CENPP: variants seen among roughly 807,000 people sequenced by gnomAD.
CENPP encodes centromere protein P.
CENPP carries 24 observed loss-of-function variants against 35.6 expected under a neutral mutation model. That is an observed-to-expected ratio of 0.67 (90% CI 0.49 to 0.95). CENPP has a LOEUF of 0.95. CENPP is among the 40% of genes least tolerant of loss of function. The pLI is 0.00. For synonymous variants in CENPP, 120 were observed against 125.5 expected (o/e 0.96, Z 0.29); for missense variants, 332 against 345.3 (o/e 0.96, Z 0.31).
intron 5 of CENPP, among the ~76,000 whole-genome samples, chr9:92,470,189 T>C (rs1845459831): frequency 1.3e-5 from 2 of 152,204 alleles, no homozygotes; most frequent in Admixed American, 1.3e-4. Flanking sequence ...ATGATACTAA[T>C]ACAGTAAAGA....
chr9:92,439,905 T>G (rs1588130765), intron 5 of CENPP, among the ~76,000 whole-genome samples: 2 of 152,326 alleles, frequency 1.3e-5, no homozygotes, highest in South Asian at 4.1e-4. Flanking sequence ...TTTCTGTTAC[T>G]TATGTTTATT....
At chr9:92,544,017 T>A (rs1334062598) in intron 5 of CENPP, among the ~76,000 whole-genome samples, 1 of 152,196 alleles carries the variant, frequency 6.6e-6, no homozygotes, top group Non-Finnish European at 1.5e-5. Flanking sequence ...ATTTTAGATA[T>A]TTTTTATTTC....
At chr9:92,361,300 C>T (rs1337550177) in intron 4 of CENPP, among the ~76,000 whole-genome samples, 1 of 151,314 alleles carries the variant, frequency 6.6e-6, no homozygotes, top group Admixed American at 6.6e-5. Context: ...GCCACCACAT[C>T]TGGCTAATTT....
At chr9:92,560,491 A>G (rs1164054036) in intron 5 of CENPP, among the ~76,000 whole-genome samples, 2 of 152,180 alleles carry the variant, frequency 1.3e-5, no homozygotes, top group African/African-American at 4.8e-5. Context: ...ATTAGAGCCC[A>G]AGTGTTCAGT....
chr9:92,464,850 A>G, intron 5 of CENPP: 4 of 1,129,590 alleles, frequency 3.5e-6, no homozygotes, highest in Non-Finnish European at 5.4e-6. Flanking sequence ...AGTTTACAAT[A>G]TTAGATTGAA....
rs576358748 is a variant in CENPP at position 92,524,680 on chromosome 9, C to T, written c.565-86634C>T. Among the ~76,000 whole-genome samples the T allele has an allele frequency of 5.2e-4, 79 of 152,278 alleles. 1 individual carries two copies. Among genetic ancestry groups the T allele is most frequent in the African/African-American group, 1.9e-3 (78 of 41,564 alleles). Reference sequence around the variant, plus strand: ...AGATGAAAAGCCTTCCTTACACAGCCAGTATGGAGGAGAAACTAAAACCCC... The same window carrying T: ...AGATGAAAAGCCTTCCTTACACAGCTAGTATGGAGGAGAAACTAAAACCCC... On this transcript the variant is annotated intron_variant, in intron 5 of 7. Transcript: ENST00000375587.
chr9:92,504,840 CT>C (rs1412121901), intron 5 of CENPP, among the ~76,000 whole-genome samples: 1 of 152,194 alleles, frequency 6.6e-6, no homozygotes, highest in East Asian at 1.9e-4. Flanking sequence ...CACGGTCCAC[CT>C]CAGTGTTTTT....
intron 4 of CENPP, among the ~76,000 whole-genome samples, chr9:92,378,755 A>G (rs1020212854): frequency 6.6e-6 from 1 of 152,156 alleles, no homozygotes; most frequent in African/African-American, 2.4e-5. Flanking sequence ...CTATTAAGAG[A>G]ATTAAGACTC....
At chr9:92,559,334 C>G (rs978326046) in intron 5 of CENPP, among the ~76,000 whole-genome samples, 8 of 152,198 alleles carry the variant, frequency 5.3e-5, no homozygotes, top group Admixed American at 6.5e-5. Flanking sequence ...ACTGGGCTCT[C>G]TAACTTGACT....
intron 5 of CENPP, among the ~76,000 whole-genome samples, chr9:92,483,205 C>G (rs1588169816): frequency 6.6e-6 from 1 of 151,956 alleles, no homozygotes; most frequent in Non-Finnish European, 1.5e-5. Flanking sequence ...TCTACATCAA[C>G]TAAGACCTTC....
At chr9:92,435,081 T>C (rs1197493421) in intron 5 of CENPP, among the ~76,000 whole-genome samples, 1 of 152,082 alleles carries the variant, frequency 6.6e-6, no homozygotes, top group African/African-American at 2.4e-5. Context: ...TACTGTACAC[T>C]GTGTACAACC....
upstream of CENPP, chr9:92,325,871 CG>C (rs1840448588): frequency 1.4e-6 from 1 of 698,722 alleles, no homozygotes; most frequent in Admixed American, 2.6e-5. Flanking sequence ...GGAGCTCTCC[CG>C]CCTCCCCTCC....
chr9:92,392,201 A>G (rs1344469810), intron 5 of CENPP, among the ~76,000 whole-genome samples: 1 of 152,022 alleles, frequency 6.6e-6, no homozygotes, highest in Non-Finnish European at 1.5e-5. Flanking sequence ...ATTAAATACC[A>G]CTGTTCTCAA....
At chr9:92,400,359 C>T (rs1843061243) in intron 5 of CENPP, among the ~76,000 whole-genome samples, 1 of 152,138 alleles carries the variant, frequency 6.6e-6, no homozygotes, top group African/African-American at 2.4e-5. Context: ...CCATCTTGAC[C>T]AGGCTGGTCT....
intron 5 of CENPP, among the ~76,000 whole-genome samples, chr9:92,422,148 T>C (rs953111763): frequency 3.9e-5 from 6 of 152,008 alleles, no homozygotes; most frequent in Non-Finnish European, 8.8e-5. Flanking sequence ...CCTCCCAGGC[T>C]CAAGTGATTC....
At chr9:92,561,016 G>A (rs1444468451) in intron 5 of CENPP, among the ~76,000 whole-genome samples, 1 of 151,612 alleles carries the variant, frequency 6.6e-6, no homozygotes, top group East Asian at 1.9e-4. Flanking sequence ...TACTCACCTA[G>A]TTTCCTCCTG....
At position 92,326,074 on chromosome 9, in the gene CENPP, C is replaced by G. The variant is rs776195810; in HGVS notation, c.76C>G (p.Pro26Ala). Residue 26 changes from proline to alanine, a missense_variant, in exon 1 of 8, where the codon CCG becomes GCG. Pro to Ala is a conservative substitution (Grantham distance 27). Transcript: ENST00000375587. ...CCTGCGGCGAGCGTGTGAGGACCCA[C>G]CGGCGCCCTGGGAAGAGAAGTCCCG... Reference protein sequence around the residue: ...AALRRACEDPPAPWEEKSRVQ... With the variant: ...AALRRACEDPAAPWEEKSRVQ... The G allele has an allele frequency of 6.4e-7, 1 of 1,560,500 alleles. No individual in the cohort carries two copies. The highest frequency in any genetic ancestry group is 1.9e-5 in the Admixed American group (1 of 52,958).
At chr9:92,384,871 T>C (rs1012683097) in intron 5 of CENPP, 3 of 152,488 alleles carry the variant, frequency 2.0e-5, no homozygotes, top group African/African-American at 7.2e-5. Context: ...CATTATTTCT[T>C]ATAAGCATAT....
chr9:92,351,378 G>T (rs75021603), intron 4 of CENPP, among the ~76,000 whole-genome samples: 1 of 151,652 alleles, frequency 6.6e-6, no homozygotes, highest in Non-Finnish European at 1.5e-5. Context: ...TACTTGGGAG[G>T]CTGAGGCAGG....
Sources: allele counts gnomAD v4.1 joint callset (sites outside exome capture counted in the v4.1 genomes callset), GRCh38; gene constraint gnomAD v4.1.1; transcripts MANE v1.5; gene names NCBI Gene and HGNC (gene_info 2026-07-23, HGNC 2026-07-21).